RIMBP2: variants seen among roughly 807,000 people sequenced by gnomAD.
The protein encoded by RIMBP2 is RIMS binding protein 2.
Under a neutral mutation model 118.6 loss-of-function variants are expected in RIMBP2, and 48 were observed. The ratio of observed to expected loss-of-function variants is 0.40; its 90% CI spans 0.32 to 0.51. RIMBP2 has a LOEUF of 0.51. RIMBP2 is among the 20% of genes least tolerant of loss of function. The pLI is 0.41. For missense variants in RIMBP2, 1,551 were observed against 1,768.3 expected, an observed-to-expected ratio of 0.88 and a Z score of 2.20; for synonymous variants, 762 against 742.9, an observed-to-expected ratio of 1.03 and a Z score of -0.42.
At chr12:130,439,309 G>T (rs925104830) in intron 11 of RIMBP2, among the ~76,000 whole-genome samples, 1 of 151,782 alleles carries the variant, frequency 6.6e-6, no homozygotes, top group South Asian at 2.1e-4. Context: ...GTGTGTGTGG[G>T]TGTGTATAGA....
At chr12:130,443,043 T>C (rs568052551) in intron 10 of RIMBP2, among the ~76,000 whole-genome samples, 27 of 152,138 alleles carry the variant, frequency 1.8e-4, no homozygotes, top group Middle Eastern at 3.2e-3. Context: ...CAGGAAAGAT[T>C]TGTTAGAAGG....
At chr12:130,692,424 C>A (rs1427261606) in intron 1 of RIMBP2, among the ~76,000 whole-genome samples, 2 of 152,112 alleles carry the variant, frequency 1.3e-5, no homozygotes, top group African/African-American at 4.8e-5. Flanking sequence ...TTTGACGAGT[C>A]TTTTGTTCTC....
chr12:130,448,764 C>T (rs771596948), intron 9 of RIMBP2, among the ~76,000 whole-genome samples: 45 of 152,254 alleles, frequency 3.0e-4, no homozygotes, highest in African/African-American at 1.1e-3. Flanking sequence ...GCATTCACAT[C>T]TGCCTGGGCT....
At chr12:130,611,307 G>A (rs542653951) in intron 2 of RIMBP2, among the ~76,000 whole-genome samples, 1 of 152,346 alleles carries the variant, frequency 6.6e-6, no homozygotes, top group African/African-American at 2.4e-5. Context: ...TGCCTCTCCA[G>A]GAGCCGCCTT....
chr12:130,532,403 AGT>A (rs2053527077), intron 2 of RIMBP2, among the ~76,000 whole-genome samples: 1 of 150,552 alleles, frequency 6.6e-6, no homozygotes, highest in Non-Finnish European at 1.5e-5. Context: ...AGCCTCTAGG[AGT>A]TACGTCTAAT....
intron 22 of RIMBP2, chr12:130,399,105 G>C: frequency 7.3e-7 from 1 of 1,366,474 alleles, no homozygotes; most frequent in Non-Finnish European, 9.5e-7. Context: ...ATCTTCAGTT[G>C]CTCACTTACG....
At chr12:130,625,378 T>C (rs1287961607) in intron 2 of RIMBP2, among the ~76,000 whole-genome samples, 1 of 152,188 alleles carries the variant, frequency 6.6e-6, no homozygotes, top group Non-Finnish European at 1.5e-5. Context: ...ATTGTGGATT[T>C]AGACAGGAAA....
chr12:130,529,368 A>T (rs2053140642), intron 2 of RIMBP2, among the ~76,000 whole-genome samples: 1 of 152,212 alleles, frequency 6.6e-6, no homozygotes, highest in Admixed American at 6.5e-5. Flanking sequence ...AGCCAGACAC[A>T]AATGTTCACA....
intron 1 of RIMBP2, among the ~76,000 whole-genome samples, chr12:130,714,314 A>G (rs1950174994): frequency 1.3e-5 from 2 of 152,332 alleles, no homozygotes; most frequent in South Asian, 2.1e-4. Context: ...CTTCATGGCC[A>G]GGAGCTCTCA....
intron 1 of RIMBP2, among the ~76,000 whole-genome samples, chr12:130,638,801 G>A (rs2141013107): frequency 6.6e-6 from 1 of 152,216 alleles, no homozygotes; most frequent in Admixed American, 6.5e-5. Flanking sequence ...GGGGTGAGCA[G>A]CAGGGAGGGA....
Position 130,437,261 on chromosome 12 carries a change from T to C in RIMBP2, c.1687A>G (p.Ser563Gly). 6.3e-7 allele frequency: 1 copy of C among 1,582,128 alleles called. No individual in the cohort carries two copies. The highest frequency in any genetic ancestry group is 1.1e-5 in the South Asian group (1 of 88,368). Residue 563 changes from serine to glycine, a missense_variant, in exon 13 of 23, where the codon AGC becomes GGC. This residue lies in a region of RIMBP2 where 1,038 missense variants were observed against 1,125.1 expected (regional missense o/e 0.92). Coordinates refer to ENST00000690449, the MANE Select transcript of RIMBP2 (RefSeq NM_001393629.1). ...VAEVIFPTAD[S>G]TAVELVRLRS... ...AGCCGCACAAGCTCCACGGCCGTGC[T>C]GTCTGCCGTGGGGAAGATGACTTCA...
At chr12:130,635,245 G>A (rs1237063392) in intron 1 of RIMBP2, among the ~76,000 whole-genome samples, 1 of 152,188 alleles carries the variant, frequency 6.6e-6, no homozygotes, top group African/African-American at 2.4e-5. Context: ...AGGCGGGCCA[G>A]CGCCTGGACC....
chr12:130,485,394 T>G (rs1457476362), intron 4 of RIMBP2, among the ~76,000 whole-genome samples: 1 of 152,192 alleles, frequency 6.6e-6, no homozygotes, highest in Non-Finnish European at 1.5e-5. Flanking sequence ...ATGTCAGAAC[T>G]CACAGCCAGT....
intron 19 of RIMBP2, among the ~76,000 whole-genome samples, chr12:130,411,615 T>C (rs1170929521): frequency 6.6e-6 from 1 of 152,156 alleles, no homozygotes. Flanking sequence ...TCTTGTATAC[T>C]TTCTGGGTCT....
At chr12:130,702,984 A>G (rs1324853193) in intron 1 of RIMBP2, among the ~76,000 whole-genome samples, 5 of 152,158 alleles carry the variant, frequency 3.3e-5, no homozygotes, top group Non-Finnish European at 7.3e-5. Flanking sequence ...CTGGGCTGAG[A>G]CAATGAGACT....
At chr12:130,615,276 C>CATATATATAT (rs202186208) in intron 2 of RIMBP2, among the ~76,000 whole-genome samples, 2,453 of 100,130 alleles carry the variant, frequency 0.024, 68 homozygotes, top group African/African-American at 0.046. Context: ...AATACACATA[C>CATATATATAT]ATATATATAT....
At position 130,434,788 on chromosome 12, in the gene RIMBP2, C is replaced by G. The variant is rs748503695; in HGVS notation, c.2199G>C (p.Lys733Asn). 40 of 1,613,926 alleles carry G rather than the reference C, an allele frequency of 2.5e-5. No homozygotes were observed. The South Asian group carries it at 4.3e-4, about 17-fold the overall frequency. Residue 733 changes from lysine to asparagine, a missense_variant, in exon 14 of 23, where the codon AAG becomes AAC. Physicochemically the swap from Lys to Asn is moderately conservative, Grantham distance 94. This residue lies in a region of RIMBP2 where 1,038 missense variants were observed against 1,125.1 expected (regional missense o/e 0.92). Transcript: ENST00000690449. This position sits in a 1 kb window ranked among gnomAD's most constrained non-coding sequence, Gnocchi z 5.7. Reference sequence around the variant, plus strand: ...AGTCGTCCACCGAGGCGCCCCTCCTCTTGAAGTCTGGAGAGTCATAGGCGT... The same window carrying G: ...AGTCGTCCACCGAGGCGCCCCTCCTGTTGAAGTCTGGAGAGTCATAGGCGT... ...EEDAYDSPDF[K>N]RRGASVDDFL...
chr12:130,535,129 T>A lies in RIMBP2; in HGVS notation c.-216-17212A>T, dbSNP rs368534230. Among the ~76,000 whole-genome samples, 26 of 152,258 alleles carry A rather than the reference T, an allele frequency of 1.7e-4. No individual in the cohort carries two copies. The South Asian group carries it at 5.4e-3, about 32-fold the overall frequency. Reference sequence around the variant, plus strand: ...CTCCCTCAGCAAGGGCTCCGGAGTGTTTCAGCTTCCCCCTTAGTGAGCAGC... The same window carrying A: ...CTCCCTCAGCAAGGGCTCCGGAGTGATTCAGCTTCCCCCTTAGTGAGCAGC... On this transcript the variant is annotated intron_variant, in intron 2 of 22. Transcript: ENST00000690449.
At chr12:130,641,005 T>C (rs773474508) in intron 1 of RIMBP2, among the ~76,000 whole-genome samples, 27 of 152,226 alleles carry the variant, frequency 1.8e-4, no homozygotes, top group Non-Finnish European at 3.8e-4. Flanking sequence ...AGCTAACTAA[T>C]GTCGGCGTCA....
Sources: gnomAD v4.1 joint callset for allele counts (sites outside exome capture counted in the v4.1 genomes callset) on GRCh38, gnomAD v4.1.1 for gene constraint, gnomAD v4.1.1 regional missense constraint, Gnocchi (gnomAD v3.1) non-coding constraint, MANE v1.5 for transcripts, NCBI Gene and HGNC (gene_info 2026-07-23, HGNC 2026-07-21) for gene names.